The following KLHL32 variants were observed in gnomAD, a reference collection of about 807,000 sequenced individuals.
KLHL32 encodes the protein kelch like family member 32, also known as kelch-like protein 32.
KLHL32 carries 35 observed loss-of-function variants against 64.8 expected under a neutral mutation model. The observed-to-expected ratio is 0.54, with a 90% CI of 0.41 to 0.72. The LOEUF (loss-of-function observed/expected upper bound fraction) is 0.72. Among genes scored for constraint, KLHL32 ranks in the 30% least tolerant of loss-of-function variants. The pLI is 0.00. For missense variants in KLHL32, 589 were observed against 768.5 expected (o/e 0.77, Z 2.76); for synonymous variants, 259 against 281.0 (o/e 0.92, Z 0.78).
chr6:96,965,848 A>T (rs35822249), intron 1 of KLHL32, among the ~76,000 whole-genome samples: 19,681 of 152,232 alleles, frequency 0.13, 1,559 homozygotes, highest in East Asian at 0.26. Flanking sequence ...GGAAGTAGAG[A>T]CATACTATTT....
chr6:97,066,251 T>G (rs559062477), intron 5 of KLHL32, among the ~76,000 whole-genome samples: 1 of 152,272 alleles, frequency 6.6e-6, no homozygotes, highest in East Asian at 1.9e-4. Context: ...CTGACACAGT[T>G]TGGTTAGAGC....
At chr6:96,938,099 C>T (rs17448885) in intron 1 of KLHL32, among the ~76,000 whole-genome samples, 1 of 151,934 alleles carries the variant, frequency 6.6e-6, no homozygotes, top group Non-Finnish European at 1.5e-5. Context: ...ACAGAAAAAC[C>T]CTTAAAGCCC....
At chr6:96,929,204 A>G (rs949399107) in intron 1 of KLHL32, among the ~76,000 whole-genome samples, 2 of 152,218 alleles carry the variant, frequency 1.3e-5, no homozygotes, top group Non-Finnish European at 2.9e-5. Flanking sequence ...CACTGGGGAT[A>G]TTTGTCATGA....
chr6:97,128,035 T>A (rs145749635), intron 8 of KLHL32, among the ~76,000 whole-genome samples: 3 of 152,336 alleles, frequency 2.0e-5, no homozygotes, highest in African/African-American at 4.8e-5. Context: ...TATACTAAAA[T>A]ATGGATGAAC....
chr6:97,109,414 T>C (rs1356760362), intron 6 of KLHL32, among the ~76,000 whole-genome samples: 4 of 152,240 alleles, frequency 2.6e-5, no homozygotes, highest in African/African-American at 9.6e-5. Flanking sequence ...AAATATTCTG[T>C]AATACATAGT....
intron 7 of KLHL32, 129 bp from the exon 8 acceptor site, chr6:97,127,275 G>T (rs1798971325): frequency 2.9e-6 from 2 of 698,956 alleles, no homozygotes; most frequent in Admixed American, 5.1e-5. Flanking sequence ...TATGTCATGG[G>T]CTCACCATGA....
At chr6:97,091,936 A>G (rs540689692) in intron 6 of KLHL32, among the ~76,000 whole-genome samples, 1 of 151,250 alleles carries the variant, frequency 6.6e-6, no homozygotes, top group Admixed American at 6.6e-5. Flanking sequence ...AAACAAAATT[A>G]TAATTTTTCA....
At chr6:97,069,283 A>G (rs1790319345) in intron 5 of KLHL32, among the ~76,000 whole-genome samples, 1 of 152,056 alleles carries the variant, frequency 6.6e-6, no homozygotes, top group Admixed American at 6.6e-5. Flanking sequence ...GTTAAATTTT[A>G]CACTAAGTGG....
At chr6:96,915,105 T>C in the KLHL32 span, 9 of 152,346 alleles carry the variant, frequency 5.9e-5, no homozygotes, top group Middle Eastern at 3.4e-3. Context: ...ACGAAGACTT[T>C]GGATTAGCAT....
At chr6:97,062,716 G>C (rs1383552092) in intron 4 of KLHL32, among the ~76,000 whole-genome samples, 1 of 152,180 alleles carries the variant, frequency 6.6e-6, no homozygotes, top group Non-Finnish European at 1.5e-5. Flanking sequence ...TCTAAGTGCT[G>C]GGGATACAAA....
chr6:97,085,199 C>T lies in KLHL32; in HGVS notation c.485C>T (p.Ala162Val), dbSNP rs375178231. Residue 162 changes from alanine to valine, a missense_variant, in exon 6 of 11, where the codon GCA becomes GTA. Transcript: ENST00000369261. The stretch of plus-strand genomic sequence containing the variant: ...TTTAACCTCACTTTGTTGGAGAAGG[C>T]AGTGATCGATTTCTTAGTGAAACAT... ...DLFNLTLLEK[A>V]VIDFLVKHLS... The T allele has an allele frequency of 1.2e-6, 2 of 1,613,828 alleles. No individual in the cohort carries two copies. The highest frequency in any genetic ancestry group is 1.7e-6 in the Non-Finnish European group (2 of 1,179,986).
At chr6:97,117,740 A>C (rs1170769495) in intron 7 of KLHL32, among the ~76,000 whole-genome samples, 10 of 152,204 alleles carry the variant, frequency 6.6e-5, no homozygotes, top group Admixed American at 6.5e-4. Context: ...TTTAAAATAT[A>C]TGCTCTCTGT....
chr6:97,016,301 T>C (rs370962765), intron 3 of KLHL32, among the ~76,000 whole-genome samples: 240 of 152,336 alleles, frequency 1.6e-3, no homozygotes, highest in African/African-American at 5.4e-3. Context: ...AGGGGGACTG[T>C]ACCCTGCGAA....
At position 97,113,817 on chromosome 6, in the gene KLHL32, A is replaced by C. The variant is rs764384423; in HGVS notation, c.662A>C (p.Tyr221Ser). 1.9e-6 allele frequency: 3 copies of C among 1,613,760 alleles called. No homozygotes were observed. Among genetic ancestry groups the C allele is most frequent in the Non-Finnish European group, 2.5e-6 (3 of 1,179,872 alleles). Reference protein sequence around the residue: ...AVRWLEHNCHYQYMDELLQYI... With the variant: ...AVRWLEHNCHSQYMDELLQYI... The stretch of plus-strand genomic sequence containing the variant: ...AGGTGGTTGGAACACAACTGCCACT[A>C]CCAGTACATGGACGAGCTCCTGCAA... Residue 221 changes from tyrosine to serine, a missense_variant, in exon 7 of 11, where the codon TAC becomes TCC. Tyr to Ser is a moderately radical substitution (Grantham distance 144). This residue lies in a region of KLHL32 where 226 missense variants were observed against 353.2 expected (regional missense o/e 0.64). Transcript: ENST00000369261.
At chr6:97,054,956 G>A (rs1766474) in intron 4 of KLHL32, among the ~76,000 whole-genome samples, 22,754 of 151,992 alleles carry the variant, frequency 0.15, 1,820 homozygotes, top group African/African-American at 0.21. Context: ...TATAAGAGAG[G>A]ATAAAAATTG....
intron 3 of KLHL32, among the ~76,000 whole-genome samples, chr6:97,033,583 T>A (rs887331183): frequency 2.0e-5 from 3 of 151,990 alleles, no homozygotes; most frequent in African/African-American, 7.2e-5. Context: ...TCTTTTTAAA[T>A]TTTTTTTAGT....
chr6:96,925,958 G>GTT (rs145294965), intron 1 of KLHL32, among the ~76,000 whole-genome samples: 1 of 151,470 alleles, frequency 6.6e-6, no homozygotes, highest in Non-Finnish European at 1.5e-5. Context: ...TTTGCTTTTT[G>GTT]TTTTTTTTCT....
At chr6:97,086,710 T>C (rs953254594) in intron 6 of KLHL32, among the ~76,000 whole-genome samples, 5 of 152,224 alleles carry the variant, frequency 3.3e-5, no homozygotes, top group African/African-American at 1.2e-4. Flanking sequence ...TGGTAATGTT[T>C]GTTCAGGCAG....
chr6:97,100,965 G>GGTTTTTTT (rs1562337104), intron 6 of KLHL32, among the ~76,000 whole-genome samples: 1 of 43,254 alleles, frequency 2.3e-5, no homozygotes, highest in Non-Finnish European at 4.8e-5. Flanking sequence ...CTGCAGCCAA[G>GGTTTTTTT]CTTTTTTTTT....
Sources: allele counts gnomAD v4.1 joint callset (sites outside exome capture counted in the v4.1 genomes callset), GRCh38; gene constraint gnomAD v4.1.1; regional missense constraint gnomAD v4.1.1; transcripts MANE v1.5; gene names NCBI Gene and HGNC (gene_info 2026-07-23, HGNC 2026-07-21).